The following NLRP6 variants were observed in gnomAD, a reference collection of about 807,000 sequenced individuals.
The protein encoded by NLRP6 is NACHT, LRR and PYD domains-containing protein 6.
NLRP6 carries 55 observed loss-of-function variants against 70.9 expected under a neutral mutation model. The ratio of observed to expected loss-of-function variants is 0.78; its 90% confidence interval spans 0.62 to 0.97. The LOEUF is 0.97. Ranked by LOEUF, NLRP6 falls within the 50% of genes least tolerant of loss-of-function variation. NLRP6 has a pLI of 0.00. For synonymous variants in NLRP6, 652 were observed against 581.9 expected (o/e 1.12, Z -1.73); for missense variants, 1,241 against 1,238.3 (o/e 1.00, Z -0.03).
chr11:279,701 C>A, intron 2 of NLRP6, 94 bp downstream of exon 2: 2 of 1,346,212 alleles, frequency 1.5e-6, no homozygotes, highest in Non-Finnish European at 9.6e-7. Flanking sequence ...GTCCCCGGCC[C>A]CCGCGCGTTT....
chr11:279,329 C>CGGGGCCGCGCCTCGCGG lies in NLRP6; in HGVS notation c.33_49dup (p.Val17GlyfsTer19). ...GACCCGCGCCCGCCCGCCTCCAGCA[C>CGGGGCCGCGCCTCGCGG]GGGGCCGCGCCTCGCGGTGGCCCGC... On this transcript the variant is annotated frameshift_variant, in exon 2 of 8. Coordinates refer to ENST00000534750, the MANE Select transcript of NLRP6 (RefSeq NM_001276700.2). LOFTEE classifies it high-confidence loss of function. 1.6e-6 allele frequency: 2 copies of CGGGGCCGCGCCTCGCGG among 1,281,690 alleles called. No individual in the cohort carries two copies. Among genetic ancestry groups the CGGGGCCGCGCCTCGCGG allele is most frequent in the South Asian group, 4.9e-5 (2 of 40,696 alleles). 79.4% of individuals were successfully genotyped at this position (1,281,690 alleles called of 1,614,324 possible).
Position 281,761 on chromosome 11 carries a change from G to C in NLRP6, c.2027G>C (p.Ser676Thr). 6.2e-7 allele frequency: 1 copy of C among 1,610,610 alleles called. No homozygotes were observed. The highest frequency in any genetic ancestry group is 8.5e-7 in the Non-Finnish European group (1 of 1,179,436). ...GCTGGACAGGCACTGCGGCTGATCA[G>C]CTGCAGATTGGTTGCTGCGCAGGAG... is the stretch of plus-strand genomic sequence containing the variant. Reference protein sequence around the residue: ...CPAGQALRLISCRLVAAQEKK... With the variant: ...CPAGQALRLITCRLVAAQEKK... Residue 676 changes from serine (S) to threonine (T), a missense_variant, in exon 4 of 8, where the codon AGC (serine) becomes ACC (threonine). By Grantham distance (58) the Ser-to-Thr change is moderately conservative. Transcript: ENST00000534750.
chr11:278,589 C>T lies in NLRP6; in HGVS notation c.20C>T (p.Pro7Leu). Residue 7 changes from proline to leucine, a missense_variant, in exon 1 of 8, where the codon CCC becomes CTC. By Grantham distance (98) the Pro-to-Leu change is moderately conservative. Coordinates refer to ENST00000534750, the MANE Select transcript of NLRP6 (RefSeq NM_001276700.2). This position sits in a 1 kb window ranked among gnomAD's most constrained non-coding sequence, Gnocchi z 4.7. MDQPEA[P>L]CSSTGPRLAV... Reference sequence around the variant, plus strand: ...GACCCCATGGACCAGCCAGAGGCCCCCTGCTCCAGGTGAGTGCTGGCCCCA... The same window carrying T: ...GACCCCATGGACCAGCCAGAGGCCCTCTGCTCCAGGTGAGTGCTGGCCCCA... 3 of 1,590,480 alleles carry T rather than the reference C, an allele frequency of 1.9e-6. No homozygotes were observed. The highest frequency in any genetic ancestry group is 2.6e-6 in the Non-Finnish European group (3 of 1,169,398).
chr11:281,938 A>G, intron 4 of NLRP6, 99 bp downstream of exon 4: 1 of 1,130,366 alleles, frequency 8.8e-7, no homozygotes, highest in Non-Finnish European at 1.2e-6. Flanking sequence ...GCGCACCTCC[A>G]GACCAGACCC....
At position 280,775 on chromosome 11, in the gene NLRP6, C is replaced by T. The variant is rs760596705; in HGVS notation, c.1041C>T (p.Arg347=). ...RLCSPQCAEV[R]GFSDKDKKKY... is the part of the protein sequence containing the mutation. ...GTTCCCCGCAGTGCGCCGAGGTGCG[C>T]GGCTTCTCCGACAAGGACAAGAAGA... Residue 347 remains arginine (R), a synonymous_variant, in exon 4 of 8, where the codon CGC becomes CGT. Coordinates refer to ENST00000534750, the MANE Select transcript of NLRP6 (RefSeq NM_001276700.2). The T allele has an allele frequency of 5.6e-6, 9 of 1,611,444 alleles. No homozygotes were observed. The highest frequency in any genetic ancestry group is 1.7e-5 in the Admixed American group (1 of 59,910).
In NLRP6 at chr11:279,589, C is replaced by A; in HGVS notation, c.292C>A (p.Gln98Lys). Residue 98 changes from glutamine (Q) to lysine (K), a missense_variant, in exon 2 of 8, where the codon CAG (glutamine) becomes AAG (lysine). Coordinates refer to ENST00000534750, the MANE Select transcript of NLRP6 (RefSeq NM_001276700.2). The stretch of plus-strand genomic sequence containing the variant: ...CGCGCGCGACGTGGCGGCGCAGCTC[C>A]AGGAGCGGCGGCTGCAGCGTGAGTT... ...ADARDVAAQL[Q>K]ERRLQRLGLG... The A allele has an allele frequency of 7.1e-7, 1 of 1,410,092 alleles. No homozygotes were observed. The highest frequency in any genetic ancestry group is 9.2e-7 in the Non-Finnish European group (1 of 1,085,980). 87.3% of individuals were successfully genotyped at this position (1,410,092 alleles called of 1,614,324 possible).
chr11:281,463 C>T lies in NLRP6; in HGVS notation c.1729C>T (p.Arg577Trp). 2.5e-6 allele frequency: 4 copies of T among 1,597,700 alleles called. No individual in the cohort carries two copies. The highest frequency in any genetic ancestry group is 3.4e-6 in the Non-Finnish European group (4 of 1,170,718). Residue 577 changes from arginine (R) to tryptophan (W), a missense_variant, in exon 4 of 8, where the codon CGG (arginine) becomes TGG (tryptophan). Arg to Trp is a moderately radical substitution (Grantham distance 101). Coordinates refer to ENST00000534750, the MANE Select transcript of NLRP6 (RefSeq NM_001276700.2). ...VSERVKQEAL[R>W]WVQGQGQGCP... ...AGAGCGTGTGAAGCAGGAGGCCCTG[C>T]GGTGGGTGCAGGGACAGGGACAGGG...
chr11:281,419 A>T lies in NLRP6; in HGVS notation c.1685A>T (p.His562Leu). 6.2e-7 allele frequency: 1 copy of T among 1,608,520 alleles called. No individual in the cohort carries two copies. The highest frequency in any genetic ancestry group is 1.1e-5 in the South Asian group (1 of 90,500). ...GAGCGGATGCGCGACATCGAGCGCC[A>T]CTTCGGCTGCATGGTTTCAGAGCGT... ...SAERMRDIER[H>L]FGCMVSERVK... The change falls in exon 4 of 8, where the codon CAC becomes CTC. Residue 562 changes from histidine to leucine, a missense_variant. His to Leu is a moderately conservative substitution (Grantham distance 99). Coordinates refer to ENST00000534750, the MANE Select transcript of NLRP6 (RefSeq NM_001276700.2).
chr11:281,931 C>A, intron 4 of NLRP6, 92 bp downstream of exon 4: 1 of 1,206,638 alleles, frequency 8.3e-7, no homozygotes, highest in Non-Finnish European at 1.1e-6. Context: ...GCATGGGGCG[C>A]ACCTCCAGAC....
rs201997582 is a variant in NLRP6 at position 285,141 on chromosome 11, G to A, written c.2538-25G>A. The A allele has an allele frequency of 5.2e-4, 813 of 1,566,616 alleles. 3 individuals are homozygous for A. Among genetic ancestry groups the A allele is most frequent in the Middle Eastern group, 3.4e-3 (20 of 5,934 alleles). On this transcript the variant is annotated intron_variant, in intron 7 of 7. Transcript: ENST00000534750. ...GCTGCTTTCCCCCACCGCTGACCCC[G>A]CTTCTGCTCTGCGTGTGGCTGCAGT...
intron 5 of NLRP6, 35 bp downstream of exon 5, chr11:282,832 C>G (rs199475814): frequency 6.8e-7 from 1 of 1,481,022 alleles, no homozygotes; most frequent in Non-Finnish European, 9.4e-7. Flanking sequence ...TCCCACGGAG[C>G]GGGCTGAGAG....
In NLRP6 at chr11:279,890, G is replaced by A. The variant is rs771696946; in HGVS notation, c.349+18G>A. ...CGTGTCCGGTGGGTCTCTCGCTGGGGGGGCACGAGTGTCCCCAACCCCACT... is the reference window on the plus strand; with the variant it reads ...CGTGTCCGGTGGGTCTCTCGCTGGGAGGGCACGAGTGTCCCCAACCCCACT... On this transcript the variant is annotated intron_variant, in intron 3 of 7. Transcript: ENST00000534750. The A allele has an allele frequency of 6.6e-6, 10 of 1,519,664 alleles. No individual in the cohort carries two copies. In the African/African-American group the frequency reaches 1.1e-4, roughly 17 times the overall value. The allele number at this position is 1,519,664 out of a possible 1,614,324, so 94.1% of individuals were successfully genotyped here.
At position 279,831 on chromosome 11, in the gene NLRP6, C is replaced by A; in HGVS notation, c.311-3C>A. The A allele has an allele frequency of 6.3e-7, 1 of 1,581,202 alleles. No individual in the cohort carries two copies. Among genetic ancestry groups the A allele is most frequent in the African/African-American group, 1.4e-5 (1 of 72,236 alleles). Reference sequence around the variant, plus strand: ...CGGAACCTCACCCCAGTTTCCCTTCCAGGGCTCGGGCTCGGCTCCGGGACG... The same window carrying A: ...CGGAACCTCACCCCAGTTTCCCTTCAAGGGCTCGGGCTCGGCTCCGGGACG... On this transcript the variant is annotated splice_polypyrimidine_tract_variant and splice_region_variant and intron_variant, in intron 2 of 7. Coordinates refer to ENST00000534750, the MANE Select transcript of NLRP6 (RefSeq NM_001276700.2).
rs772952420 is a variant in NLRP6, at chr11:281,756, G to A, written c.2022G>A (p.Leu674=). ...RCCPAGQALR[L]ISCRLVAAQE... is the part of the protein sequence containing the mutation. The stretch of plus-strand genomic sequence containing the variant: ...GCCCTGCTGGACAGGCACTGCGGCT[G>A]ATCAGCTGCAGATTGGTTGCTGCGC... The change falls in exon 4 of 8, where the codon CTG becomes CTA. Residue 674 remains leucine (L), a synonymous_variant. Coordinates refer to ENST00000534750, the MANE Select transcript of NLRP6 (RefSeq NM_001276700.2). 1 of 1,611,452 alleles carries A rather than the reference G, an allele frequency of 6.2e-7. No homozygotes were observed. Among genetic ancestry groups the A allele is most frequent in the Non-Finnish European group, 8.5e-7 (1 of 1,179,670 alleles).
In NLRP6 at chr11:281,020, C is replaced by G; in HGVS notation, c.1286C>G (p.Ser429Trp). ...CTTTTCATCACCAGCGTTCTGAGCT[C>G]GGCTCCGGTAGCCGACGGGCCCCGG... ...YLLFITSVLS[S>W]APVADGPRLQ... The change falls in exon 4 of 8, where the codon TCG (serine) becomes TGG (tryptophan). Residue 429 changes from serine (S) to tryptophan (W), a missense_variant. Physicochemically the swap from Ser to Trp is radical, Grantham distance 177 (BLOSUM62 -3). Transcript: ENST00000534750. The G allele has an allele frequency of 6.2e-7, 1 of 1,613,060 alleles. No individual in the cohort carries two copies. The highest frequency in any genetic ancestry group is 8.5e-7 in the Non-Finnish European group (1 of 1,179,968).
chr11:284,737 GC>G, intron 7 of NLRP6, 95 bp downstream of exon 7: 1 of 1,234,368 alleles, frequency 8.1e-7, no homozygotes, highest in Non-Finnish European at 1.1e-6. Flanking sequence ...CTGAAGAGGG[GC>G]CCCTCCCAGA....
rs759256504 is a variant in NLRP6, at chr11:284,407, C to T, written c.2369+7C>T. ...GCAGGGTGCAGACGGTCAGGTGAGG[C>T]CTGGCCTGGGAGGGACCGTGGGATG... On this transcript the variant is annotated splice_region_variant and intron_variant, in intron 6 of 7. Coordinates refer to ENST00000534750, the MANE Select transcript of NLRP6 (RefSeq NM_001276700.2). The T allele has an allele frequency of 1.3e-6, 2 of 1,598,534 alleles. No individual in the cohort carries two copies. Among genetic ancestry groups the T allele is most frequent in the Non-Finnish European group, 1.7e-6 (2 of 1,169,916 alleles).
At position 281,544 on chromosome 11, in the gene NLRP6, G is replaced by A. The variant is rs1845478657; in HGVS notation, c.1810G>A (p.Glu604Lys). The change falls in exon 4 of 8, where the codon GAA (glutamate) becomes AAA (lysine). Residue 604 changes from glutamate to lysine, a missense_variant. Transcript: ENST00000534750. ...GGGGGCCAAAGGGCTCGAGGACACC[G>A]AAGAGCCAGAGGAGGAGGAGGAGGG... ...TEGAKGLEDT[E>K]EPEEEEEGEE... 2 of 1,610,688 alleles carry A rather than the reference G, an allele frequency of 1.2e-6. No homozygotes were observed. Among genetic ancestry groups the A allele is most frequent in the Non-Finnish European group, 1.7e-6 (2 of 1,178,600 alleles).
In NLRP6 at chr11:278,952, G is replaced by T; in HGVS notation, c.29+354G>T. The T allele has an allele frequency of 2.9e-6, 1 of 349,530 alleles. No homozygotes were observed. Among genetic ancestry groups the T allele is most frequent in the East Asian group, 4.5e-5 (1 of 22,006 alleles). The allele number at this position is 349,530 out of a possible 1,614,324, so 21.7% of individuals were successfully genotyped here. A position where few individuals can be genotyped will look rare whatever the true frequency, so the allele number is the denominator to read the frequency against. ...AGGGAAAAGAAGGAAAGCGAGGAAAGAGAGCTCAGGGTTCCTTGGAAATAC... is the reference window on the plus strand; with the variant it reads ...AGGGAAAAGAAGGAAAGCGAGGAAATAGAGCTCAGGGTTCCTTGGAAATAC... On this transcript the variant is annotated intron_variant, in intron 1 of 7. Coordinates refer to ENST00000534750, the MANE Select transcript of NLRP6 (RefSeq NM_001276700.2). The surrounding 1 kb of genome is among the most constrained non-coding windows in gnomAD (Gnocchi z 4.7).
Sources: gnomAD v4.1 joint callset for allele counts on GRCh38, gnomAD v4.1.1 for gene constraint, Gnocchi (gnomAD v3.1) non-coding constraint, MANE v1.5 for transcripts, NCBI Gene and HGNC (gene_info 2026-07-23, HGNC 2026-07-21) for gene names.